The following ZNF563 variants were observed in gnomAD, a reference collection of about 807,000 sequenced individuals.
ZNF563 encodes zinc finger protein 563.
In ZNF563, 39 loss-of-function variants were observed where a neutral mutation model predicts 48.5. That is an observed-to-expected ratio of 0.80 (90% CI 0.62 to 1.05). ZNF563 has a LOEUF of 1.05. Among genes scored for constraint, ZNF563 ranks in the 50% least tolerant of loss-of-function variants. The probability of loss-of-function intolerance (pLI) is 0.00; values close to 1 mark genes in which losing one functional copy is unlikely to be tolerated. For synonymous variants in ZNF563, 168 were observed against 187.9 expected (o/e 0.89, Z 0.87); for missense variants, 538 against 597.0 (o/e 0.90, Z 1.03).
At position 12,320,165 on chromosome 19, in the gene ZNF563, C is replaced by G. The variant is rs185001354; in HGVS notation, c.192-332G>C. Reference sequence around the variant, plus strand: ...ACTTCTGACCTCGTGATCCACCCCCCCTTGGCCTCCCAAAGTGCTGGGATT... The same window carrying G: ...ACTTCTGACCTCGTGATCCACCCCCGCTTGGCCTCCCAAAGTGCTGGGATT... On this transcript the variant is annotated intron_variant, in intron 3 of 3. Coordinates refer to ENST00000293725, the MANE Select transcript of ZNF563 (RefSeq NM_145276.3). 9.3e-4 allele frequency among the ~76,000 whole-genome samples: 142 copies of G among 152,286 alleles called. 5 individuals are homozygous for G. The South Asian group carries it at 0.028, about 30-fold the overall frequency.
At chr19:12,327,120 A>G (rs923780702) in intron 1 of ZNF563, among the ~76,000 whole-genome samples, 3 of 152,200 alleles carry the variant, frequency 2.0e-5, no homozygotes, top group Admixed American at 1.3e-4. Context: ...CTATACTAAT[A>G]GGATAAGAAA....
chr19:12,322,119 G>C (rs894435141), intron 2 of ZNF563, among the ~76,000 whole-genome samples: 1 of 152,026 alleles, frequency 6.6e-6, no homozygotes, highest in Non-Finnish European at 1.5e-5. Context: ...GCAGTGGCGT[G>C]ATCTTGGCTC....
the ZNF563 span, among the ~76,000 whole-genome samples, chr19:12,343,665 G>C: frequency 6.7e-6 from 1 of 149,402 alleles, no homozygotes; most frequent in East Asian, 2.0e-4. Context: ...GGCAAGAAAA[G>C]ACATTACGAG....
chr19:12,333,346 G>C, intron 1 of ZNF563, 134 bp downstream of exon 1: 1 of 1,245,958 alleles, frequency 8.0e-7, no homozygotes, highest in East Asian at 2.6e-5. Flanking sequence ...ACCGAGGGTC[G>C]AGCTGCGCCA....
chr19:12,336,279 G>A (rs1017475454), upstream of ZNF563, among the ~76,000 whole-genome samples: 20 of 151,784 alleles, frequency 1.3e-4, no homozygotes, highest in Admixed American at 3.3e-4. Context: ...TGGGCAACAC[G>A]GGGAGATCTT....
upstream of ZNF563, among the ~76,000 whole-genome samples, chr19:12,338,304 G>A (rs1262464948): frequency 2.6e-5 from 4 of 152,140 alleles, no homozygotes; most frequent in Non-Finnish European, 5.9e-5. Context: ...CTGGAGTGCA[G>A]TGGCACAACC....
chr19:12,325,092 A>G (rs1968753432), intron 1 of ZNF563: 1 of 152,182 alleles, frequency 6.6e-6, no homozygotes, highest in Non-Finnish European at 1.5e-5. Context: ...TTCATCTACA[A>G]TGGAATCCAG....
rs954433165 is a variant in ZNF563 at position 12,319,685 on chromosome 19, C to G, written c.340G>C (p.Gly114Arg). The G allele has an allele frequency of 1.2e-6, 2 of 1,614,036 alleles. No individual in the cohort carries two copies. The change falls in exon 4 of 4, where the codon GGT becomes CGT. Residue 114 changes from glycine to arginine, a missense_variant. Transcript: ENST00000293725. Reference protein sequence around the residue: ...QSAECEEVIMGHLSLNSHIRV... With the variant: ...QSAECEEVIMRHLSLNSHIRV... ...ATGTGGCTATTAAGGGATAAATGAC[C>G]CATTATGACTTCTTCACACTCAGCG...
At position 12,317,720 on chromosome 19, in the gene ZNF563, G is replaced by A. The variant is rs963833895; in HGVS notation, c.*874C>T. The A allele has an allele frequency of 1.3e-5, 2 of 152,148 alleles. No individual in the cohort carries two copies. Among genetic ancestry groups the A allele is most frequent in the Non-Finnish European group, 2.9e-5 (2 of 68,028 alleles). 9.4% of individuals were successfully genotyped at this position (152,148 alleles called of 1,614,324 possible). On this transcript the variant is annotated 3_prime_UTR_variant, in exon 4 of 4. Transcript: ENST00000293725. The stretch of plus-strand genomic sequence containing the variant: ...GTCGATTTATGTATGCCCAGGGGGT[G>A]GTAGAACCACGCTCCTGCAAATATT...
chr19:12,346,399 T>A, the ZNF563 span: 3 of 152,136 alleles, frequency 2.0e-5, no homozygotes, highest in Non-Finnish European at 4.4e-5. Context: ...GAAAAAGCAG[T>A]ACAGAACCAT....
At position 12,319,049 on chromosome 19, in the gene ZNF563, T is replaced by A; in HGVS notation, c.976A>T (p.Ile326Leu). The A allele has an allele frequency of 6.2e-7, 1 of 1,614,242 alleles. No individual in the cohort carries two copies. The change falls in exon 4 of 4, where the codon ATA (isoleucine) becomes TTA (leucine). Residue 326 changes from isoleucine (I) to leucine (L), a missense_variant. Physicochemically the swap from Ile to Leu is conservative, Grantham distance 5. Transcript: ENST00000293725. ...TCTCCAGTGTGCCTTTTCATGTGTA[T>A]CTGAAAGCTTCCAAGATGATGAAAT... ...KTFHHLGSFQIHMKRHTGDRP... is the reference protein window; with the variant it reads ...KTFHHLGSFQLHMKRHTGDRP...
At position 12,325,185 on chromosome 19, in the gene ZNF563, T is replaced by G. The variant is rs1422536970; in HGVS notation, c.4-2474A>C. On this transcript the variant is annotated intron_variant, in intron 1 of 3. Transcript: ENST00000293725. Reference sequence around the variant, plus strand: ...ACTACTTGAGACAGCAGACTGTAATTAAGACATACATTAAGGCCAGGCACG... The same window carrying G: ...ACTACTTGAGACAGCAGACTGTAATGAAGACATACATTAAGGCCAGGCACG... Among the ~76,000 whole-genome samples, 3 of 152,036 alleles carry G rather than the reference T, an allele frequency of 2.0e-5. No individual in the cohort carries two copies. The East Asian group carries it at 5.8e-4, about 29-fold the overall frequency.
In ZNF563 at chr19:12,326,515, A is replaced by C. The variant is rs546218676; in HGVS notation, c.4-3804T>G. Reference sequence around the variant, plus strand: ...AAAAATTAGCCAGGTGTGGTGGTGCATGCCTGTAATCCCAGTTACTCAGGA... The same window carrying C: ...AAAAATTAGCCAGGTGTGGTGGTGCCTGCCTGTAATCCCAGTTACTCAGGA... On this transcript the variant is annotated intron_variant, in intron 1 of 3. Transcript: ENST00000293725. Among the ~76,000 whole-genome samples the C allele has an allele frequency of 1.2e-4, 19 of 152,120 alleles. 3 individuals carry two copies. The highest frequency in any genetic ancestry group is 1.2e-3 in the Admixed American group (19 of 15,254).
intron 1 of ZNF563, among the ~76,000 whole-genome samples, chr19:12,331,511 C>T (rs1968917899): frequency 6.6e-6 from 1 of 152,182 alleles, no homozygotes; most frequent in African/African-American, 2.4e-5. Context: ...TATTTTACCC[C>T]CTCAATACCA....
chr19:12,341,530 C>A, the ZNF563 span, among the ~76,000 whole-genome samples: 1 of 152,146 alleles, frequency 6.6e-6, no homozygotes, highest in African/African-American at 2.4e-5. Context: ...GAAAAATATT[C>A]CATGCAAATA....
At chr19:12,327,239 A>C (rs1395460959) in intron 1 of ZNF563, among the ~76,000 whole-genome samples, 1 of 152,156 alleles carries the variant, frequency 6.6e-6, no homozygotes, top group Non-Finnish European at 1.5e-5. Context: ...AGGCAGGTGG[A>C]TCACAAGGTC....
rs575316882 is a variant in ZNF563 at position 12,319,120 on chromosome 19, G to C, written c.905C>G (p.Thr302Ser). 270 of 1,614,052 alleles carry C rather than the reference G, an allele frequency of 1.7e-4. No homozygotes were observed. The South Asian group carries it at 2.8e-3, about 17-fold the overall frequency. Residue 302 changes from threonine to serine, a missense_variant, in exon 4 of 4, where the codon ACT becomes AGT. Coordinates refer to ENST00000293725, the MANE Select transcript of ZNF563 (RefSeq NM_145276.3). The part of the protein sequence containing the change: ...VSSSLRRHET[T>S]HSAEKPYECK... ...CTCATAGGGTTTCTCTGCACTGTGA[G>C]TGGTTTCATGTCTTCGAAGGGAACT...
upstream of ZNF563, among the ~76,000 whole-genome samples, chr19:12,335,027 T>G (rs8103898): frequency 0.029 from 4,423 of 152,240 alleles, 227 homozygotes; most frequent in African/African-American, 0.1. Flanking sequence ...CGCAGGCTGC[T>G]GAGGAAGCAC....
At position 12,318,749 on chromosome 19, in the gene ZNF563, A is replaced by G. The variant is rs535146717; in HGVS notation, c.1276T>C (p.Cys426Arg). 6.2e-6 allele frequency: 10 copies of G among 1,614,146 alleles called. No individual in the cohort carries two copies. In the African/African-American group the frequency reaches 1.2e-4, roughly 19 times the overall value. Reference protein sequence around the residue: ...SGEKPYECKQCGKALSHSSSF... With the variant: ...SGEKPYECKQRGKALSHSSSF... Reference sequence around the variant, plus strand: ...GAGCTATGAGATAACGCTTTCCCACACTGCTTGCATTCATAGGGTTTCTCT... The same window carrying G: ...GAGCTATGAGATAACGCTTTCCCACGCTGCTTGCATTCATAGGGTTTCTCT... The change falls in exon 4 of 4, where the codon TGT becomes CGT. Residue 426 changes from cysteine to arginine, a missense_variant. Transcript: ENST00000293725.
Sources: allele counts gnomAD v4.1 joint callset (sites outside exome capture counted in the v4.1 genomes callset), GRCh38; gene constraint gnomAD v4.1.1; transcripts MANE v1.5; gene names NCBI Gene and HGNC (gene_info 2026-07-23, HGNC 2026-07-21).